The following CACNA2D1 variants were observed in gnomAD, a reference collection of about 807,000 sequenced individuals.
The protein encoded by CACNA2D1 is calcium voltage-gated channel auxiliary subunit alpha2delta 1, also known as voltage-dependent calcium channel subunit alpha-2/delta-1.
Under a neutral mutation model 171.5 loss-of-function variants are expected in CACNA2D1, and 53 were observed. That is an observed-to-expected ratio of 0.31 (90% CI 0.25 to 0.39). The LOEUF (loss-of-function observed/expected upper bound fraction) is 0.39, where lower values mean the gene tolerates loss of function less well. Ranked by LOEUF, CACNA2D1 falls within the 10% of genes least tolerant of loss-of-function variation. CACNA2D1 has a pLI of 1.00. For missense variants in CACNA2D1, 903 were observed against 1,299.8 expected (o/e 0.69, Z 4.69); for synonymous variants, 442 against 443.1 (o/e 1.00, Z 0.03).
At chr7:81,972,676 C>T (rs1795403405) in intron 25 of CACNA2D1, among the ~76,000 whole-genome samples, 1 of 151,924 alleles carries the variant, frequency 6.6e-6, no homozygotes. Flanking sequence ...CTGCCTTCTT[C>T]CCATTCTCCT....
At chr7:82,090,188 A>G (rs576479928) in intron 6 of CACNA2D1, among the ~76,000 whole-genome samples, 5 of 152,278 alleles carry the variant, frequency 3.3e-5, no homozygotes. Flanking sequence ...ATTGTTAACT[A>G]TCCTCGCCAT....
intron 7 of CACNA2D1, among the ~76,000 whole-genome samples, chr7:82,074,193 A>G (rs796501122): frequency 6.6e-6 from 1 of 152,168 alleles, no homozygotes; most frequent in South Asian, 2.1e-4. Flanking sequence ...TTCACCAGAC[A>G]GCTGATAATC....
In CACNA2D1 at chr7:82,381,267, T is replaced by C. The variant is rs531526321; in HGVS notation, c.96-31618A>G. Among the ~76,000 whole-genome samples, 7 of 140,862 alleles carry C rather than the reference T, an allele frequency of 5.0e-5. No homozygotes were observed. The South Asian group carries it at 8.8e-4, about 18-fold the overall frequency. The allele number at this position is 140,862 out of a possible 152,430, so 92.4% of individuals were successfully genotyped here. On this transcript the variant is annotated intron_variant, in intron 1 of 38. Coordinates refer to ENST00000356860, the MANE Select transcript of CACNA2D1 (RefSeq NM_000722.4). ...AGGCGGAGCTTGCAGTGAGCTGAGATCGCGCCATTGCACTCTAGCCTGGGC... is the reference window on the plus strand; with the variant it reads ...AGGCGGAGCTTGCAGTGAGCTGAGACCGCGCCATTGCACTCTAGCCTGGGC...
rs77197549 is a variant in CACNA2D1, at chr7:82,282,713, G to A, written c.294+52422C>T. 1.7e-4 allele frequency among the ~76,000 whole-genome samples: 24 copies of A among 145,118 alleles called. No individual in the cohort carries two copies. The East Asian group carries it at 2.0e-3, about 12-fold the overall frequency. ...ATAAAATTGTAAAATGTGGGGGGGG[G>A]AATCACAGAGGGTTATCTATAAAAA... On this transcript the variant is annotated intron_variant, in intron 3 of 38. Transcript: ENST00000356860.
chr7:82,293,735 T>C (rs1023159773), intron 3 of CACNA2D1, among the ~76,000 whole-genome samples: 3 of 152,322 alleles, frequency 2.0e-5, no homozygotes, highest in African/African-American at 7.2e-5. Context: ...GAGTTCAGTA[T>C]GGGAAGGATC....
intron 3 of CACNA2D1, among the ~76,000 whole-genome samples, chr7:82,271,972 A>G (rs917285567): frequency 6.6e-6 from 1 of 152,170 alleles, no homozygotes; most frequent in Non-Finnish European, 1.5e-5. Context: ...CAATATTTAT[A>G]ATCCTAGACA....
intron 4 of CACNA2D1, among the ~76,000 whole-genome samples, chr7:82,153,484 C>A (rs1248782189): frequency 1.3e-5 from 2 of 152,058 alleles, no homozygotes; most frequent in Non-Finnish European, 2.9e-5. Flanking sequence ...ATTGCACAAT[C>A]TAAAGTTGCT....
intron 3 of CACNA2D1, among the ~76,000 whole-genome samples, chr7:82,329,307 A>G (rs1817008767): frequency 6.6e-6 from 1 of 152,182 alleles, no homozygotes; most frequent in African/African-American, 2.4e-5. Context: ...TTAAAGCTTC[A>G]AAATAGATTG....
At chr7:82,085,678 A>C (rs969447305) in intron 6 of CACNA2D1, among the ~76,000 whole-genome samples, 39 of 149,100 alleles carry the variant, frequency 2.6e-4, no homozygotes, top group African/African-American at 8.8e-4. Context: ...CTACCTTCAT[A>C]AACAATAGTT....
At position 82,426,174 on chromosome 7, in the gene CACNA2D1, AATAAAT is replaced by A. The variant is rs1563536452; in HGVS notation, c.95+17185_95+17190del. On this transcript the variant is annotated intron_variant, in intron 1 of 38. Transcript: ENST00000356860. ...AAATAAATAAATAAATAAATAAATA[AATAAAT>A]ACATAAATTCTATTTGGTTTGTTTA... Among the ~76,000 whole-genome samples, 732 of 112,016 alleles carry A rather than the reference AATAAAT, an allele frequency of 6.5e-3. 7 individuals carry two copies. Among genetic ancestry groups the A allele is most frequent in the African/African-American group, 0.026 (688 of 26,212 alleles). The allele number at this position is 112,016 out of a possible 152,430, so 73.5% of individuals were successfully genotyped here.
chr7:82,116,615 T>C (rs1384648045), intron 6 of CACNA2D1, among the ~76,000 whole-genome samples: 1 of 152,078 alleles, frequency 6.6e-6, no homozygotes, highest in Non-Finnish European at 1.5e-5. Flanking sequence ...CTGACAGACA[T>C]GAGAAGTCAT....
At chr7:82,130,477 A>T (rs942890080) in intron 5 of CACNA2D1, among the ~76,000 whole-genome samples, 6 of 152,108 alleles carry the variant, frequency 3.9e-5, no homozygotes, top group African/African-American at 1.4e-4. Context: ...AATTAAATGC[A>T]TTTAAAATTT....
chr7:82,217,145 G>A (rs559587511), intron 3 of CACNA2D1, among the ~76,000 whole-genome samples: 64 of 151,764 alleles, frequency 4.2e-4, no homozygotes, highest in Middle Eastern at 6.8e-3. Flanking sequence ...AAGCTTGTGA[G>A]TAAATTTTTA....
In CACNA2D1 at chr7:81,947,717, A is replaced by G. The variant is rs569631060; in HGVS notation, c.*2675T>C. 2.0e-5 allele frequency: 3 copies of G among 152,034 alleles called. No homozygotes were observed. The South Asian group carries it at 6.2e-4, about 32-fold the overall frequency. 9.4% of individuals were successfully genotyped at this position (152,034 alleles called of 1,614,324 possible). A position where few individuals can be genotyped will look rare whatever the true frequency, so the allele number is the denominator to read the frequency against. On this transcript the variant is annotated 3_prime_UTR_variant, in exon 39 of 39. Transcript: ENST00000356860. ...TGGAAATCAATATTAATAACAGGCT[A>G]TAATTTAAGTTCTTGTCAATGTAAC...
chr7:82,393,083 A>AGGAAGGAAGGAAGGC (rs1825347260), intron 1 of CACNA2D1, among the ~76,000 whole-genome samples: 1 of 82,368 alleles, frequency 1.2e-5, no homozygotes, highest in Non-Finnish European at 2.4e-5. Flanking sequence ...GGAAGGAAGG[A>AGGAAGGAAGGAAGGC]AGGCAGGCAG....
At chr7:82,114,471 G>T (rs779662005) in intron 6 of CACNA2D1, among the ~76,000 whole-genome samples, 1 of 152,190 alleles carries the variant, frequency 6.6e-6, no homozygotes, top group Non-Finnish European at 1.5e-5. Flanking sequence ...GAGGGCCGGC[G>T]TGGGGGCTCA....
intron 4 of CACNA2D1, among the ~76,000 whole-genome samples, chr7:82,165,837 G>A (rs535272714): frequency 6.6e-6 from 1 of 152,014 alleles, no homozygotes; most frequent in East Asian, 1.9e-4. Context: ...AACCAAAGGT[G>A]GAAACTAAGA....
At chr7:82,273,254 C>A (rs532595453) in intron 3 of CACNA2D1, among the ~76,000 whole-genome samples, 13 of 151,706 alleles carry the variant, frequency 8.6e-5, no homozygotes, top group East Asian at 1.9e-4. Flanking sequence ...TAATAATATA[C>A]CTTTTGATAT....
In CACNA2D1 at chr7:82,430,648, G is replaced by C. The variant is rs746710120; in HGVS notation, c.95+12717C>G. On this transcript the variant is annotated intron_variant, in intron 1 of 38. Coordinates refer to ENST00000356860, the MANE Select transcript of CACNA2D1 (RefSeq NM_000722.4). ...GGCTCAACTCCATTTATATTGCAAAGTGAAGGGCTGGAGTTAGATGAGTGT... is the reference window on the plus strand; with the variant it reads ...GGCTCAACTCCATTTATATTGCAAACTGAAGGGCTGGAGTTAGATGAGTGT... Among the ~76,000 whole-genome samples the C allele has an allele frequency of 9.9e-5, 15 of 152,176 alleles. 1 individual carries two copies. Among genetic ancestry groups the C allele is most frequent in the Non-Finnish European group, 2.2e-4 (15 of 68,036 alleles).
Sources: gnomAD v4.1 joint callset for allele counts (sites outside exome capture counted in the v4.1 genomes callset) on GRCh38, gnomAD v4.1.1 for gene constraint, MANE v1.5 for transcripts, NCBI Gene and HGNC (gene_info 2026-07-23, HGNC 2026-07-21) for gene names.